The following BEAN1 variants were observed in gnomAD, a reference collection of about 807,000 sequenced individuals.
The protein encoded by BEAN1 is protein BEAN1.
In BEAN1, 17 loss-of-function variants were observed where a neutral mutation model predicts 17.7. That is an observed-to-expected ratio of 0.96 (90% CI 0.66 to 1.44). The LOEUF is 1.44. BEAN1 is among the 40% of genes most tolerant of loss of function. The probability of loss-of-function intolerance (pLI) is 0.00; values close to 1 mark genes in which losing one functional copy is unlikely to be tolerated. For synonymous variants in BEAN1, 142 were observed against 151.8 expected (o/e 0.94, Z 0.47); for missense variants, 359 against 374.1 (o/e 0.96, Z 0.33).
At chr16:66,466,561 G>GTTTTGT (rs1185580988) in intron 2 of BEAN1, among the ~76,000 whole-genome samples, 1 of 151,760 alleles carries the variant, frequency 6.6e-6, no homozygotes, top group Non-Finnish European at 1.5e-5. Context: ...CAAGTTTTTT[G>GTTTTGT]TTTTGTTTTT....
intron 2 of BEAN1, among the ~76,000 whole-genome samples, chr16:66,456,029 C>G (rs565888189): frequency 6.6e-6 from 1 of 152,344 alleles, no homozygotes; most frequent in East Asian, 1.9e-4. Flanking sequence ...AACACAGGCT[C>G]TGAGCATAAG....
intron 2 of BEAN1, among the ~76,000 whole-genome samples, chr16:66,455,330 T>G (rs1962824670): frequency 6.6e-6 from 1 of 152,224 alleles, no homozygotes; most frequent in African/African-American, 2.4e-5. Flanking sequence ...AATGTAATGG[T>G]GACCTGCACA....
chr16:66,459,514 T>G (rs769685453), intron 2 of BEAN1, among the ~76,000 whole-genome samples: 8 of 152,000 alleles, frequency 5.3e-5, no homozygotes, highest in African/African-American at 9.7e-5. Flanking sequence ...AGAGACAGGT[T>G]TTCACCATGT....
intron 2 of BEAN1, among the ~76,000 whole-genome samples, chr16:66,438,370 C>T (rs959088011): frequency 1.1e-4 from 16 of 152,012 alleles, no homozygotes; most frequent in Non-Finnish European, 1.8e-4. Context: ...GGCGACAGAG[C>T]GAAACTCTGT....
At chr16:66,477,812 A>G (rs1402900389) in intron 4 of BEAN1, 102 bp downstream of exon 4, 3 of 1,296,290 alleles carry the variant, frequency 2.3e-6, no homozygotes, top group African/African-American at 3.1e-5. Flanking sequence ...TGCATGTCGT[A>G]TAAATGCAGA....
intron 3 of BEAN1, among the ~76,000 whole-genome samples, chr16:66,474,605 AGAGGGAGGGAGGAAGGGAGG>A (rs1567505180): frequency 2.9e-4 from 2 of 6,956 alleles, no homozygotes; most frequent in East Asian, 6.3e-3. Context: ...AGGGAGGGAG[AGAGGGAGGGAGGAAGGGAGG>A]GAGGGAGGGA....
chr16:66,439,934 C>A (rs1962184439), intron 2 of BEAN1, among the ~76,000 whole-genome samples: 1 of 152,108 alleles, frequency 6.6e-6, no homozygotes, highest in Admixed American at 6.5e-5. Context: ...CTGCCAAATT[C>A]TTCTCACATT....
At chr16:66,445,948 C>G (rs929710538) in intron 2 of BEAN1, among the ~76,000 whole-genome samples, 1 of 152,028 alleles carries the variant, frequency 6.6e-6, no homozygotes, top group Non-Finnish European at 1.5e-5. Context: ...TTTGGGAGGC[C>G]GAGGACGATG....
At chr16:66,474,618 A>AGGGAGGGAAGG (rs1555520934) in intron 3 of BEAN1, among the ~76,000 whole-genome samples, 1 of 5,806 alleles carries the variant, frequency 1.7e-4, no homozygotes, top group African/African-American at 5.5e-4. Flanking sequence ...GGGAGGGAGG[A>AGGGAGGGAAGG]AGGGAGGGAG....
intron 2 of BEAN1, among the ~76,000 whole-genome samples, chr16:66,443,917 C>T (rs1004534732): frequency 5.3e-5 from 8 of 152,168 alleles, no homozygotes; most frequent in Admixed American, 1.3e-4. Context: ...GTCAAGTGAT[C>T]CACCTGCCTC....
intron 1 of BEAN1, among the ~76,000 whole-genome samples, chr16:66,433,918 C>A (rs1316634298): frequency 2.0e-5 from 3 of 152,234 alleles, no homozygotes; most frequent in Non-Finnish European, 4.4e-5. Context: ...CAGGCTCTCT[C>A]CCCTTAGCCA....
chr16:66,432,691 A>T (rs1961850196), intron 1 of BEAN1, among the ~76,000 whole-genome samples: 1 of 152,218 alleles, frequency 6.6e-6, no homozygotes, highest in Non-Finnish European at 1.5e-5. Context: ...TCACCCAGGC[A>T]GACAGGGAAT....
chr16:66,442,403 G>C (rs1258964300), intron 2 of BEAN1, among the ~76,000 whole-genome samples: 1 of 152,224 alleles, frequency 6.6e-6, no homozygotes, highest in East Asian at 1.9e-4. Flanking sequence ...TCTAAGGAAG[G>C]AGGGGTTTGG....
At chr16:66,443,532 G>A (rs1006025893) in intron 2 of BEAN1, among the ~76,000 whole-genome samples, 3 of 152,198 alleles carry the variant, frequency 2.0e-5, no homozygotes, top group Non-Finnish European at 4.4e-5. Flanking sequence ...CACAGCAGGG[G>A]TGAGGAATCC....
chr16:66,440,570 G>A (rs1391593816), intron 2 of BEAN1, among the ~76,000 whole-genome samples: 2 of 152,132 alleles, frequency 1.3e-5, no homozygotes, highest in Non-Finnish European at 1.5e-5. Flanking sequence ...GGAAGAGCAG[G>A]GATTCTCCCT....
At chr16:66,464,102 AC>A (rs1963181311) in intron 2 of BEAN1, among the ~76,000 whole-genome samples, 1 of 152,192 alleles carries the variant, frequency 6.6e-6, no homozygotes, top group South Asian at 2.1e-4. Flanking sequence ...TATTTTAGCT[AC>A]GTTTGGTCCT....
At chr16:66,445,742 G>A (rs1962429715) in intron 2 of BEAN1, among the ~76,000 whole-genome samples, 1 of 152,162 alleles carries the variant, frequency 6.6e-6, no homozygotes, top group African/African-American at 2.4e-5. Context: ...ACCAGATGAT[G>A]TAGGGTCTTG....
chr16:66,465,802 CT>C (rs1963241148), intron 2 of BEAN1, among the ~76,000 whole-genome samples: 2 of 152,148 alleles, frequency 1.3e-5, no homozygotes, highest in African/African-American at 4.8e-5. Context: ...GTTTCTGTTT[CT>C]TTTTAAGTCT....
chr16:66,461,046 T>A (rs1288925661), intron 2 of BEAN1, among the ~76,000 whole-genome samples: 1 of 151,998 alleles, frequency 6.6e-6, no homozygotes, highest in Non-Finnish European at 1.5e-5. Flanking sequence ...GGAGGTGGTA[T>A]CTCAGAGAAG....
Sources: allele counts gnomAD v4.1 joint callset (sites outside exome capture counted in the v4.1 genomes callset), GRCh38; gene constraint gnomAD v4.1.1; transcripts MANE v1.5; gene names NCBI Gene and HGNC (gene_info 2026-07-23, HGNC 2026-07-21).